Variants in LDAF1 observed in about 807,000 individuals in gnomAD.
LDAF1 encodes the protein lipid droplet assembly factor 1.
In LDAF1, 7 loss-of-function variants were observed where a neutral mutation model predicts 13.5. The observed-to-expected ratio is 0.52, with a 90% CI of 0.29 to 0.97. LDAF1 has a LOEUF of 0.97. Ranked by LOEUF, LDAF1 falls within the 50% of genes least tolerant of loss-of-function variation. The pLI is 0.07. For synonymous variants in LDAF1, 69 were observed against 77.1 expected, an observed-to-expected ratio of 0.89 and a Z score of 0.55; for missense variants, 148 against 193.2, an observed-to-expected ratio of 0.77 and a Z score of 1.39.
intron 4 of LDAF1, among the ~76,000 whole-genome samples, chr16:21,177,669 A>C: frequency 8.8e-6 from 1 of 114,174 alleles, no homozygotes; most frequent in South Asian, 3.1e-4. Flanking sequence ...CCCAGGCTGG[A>C]GTGCAGTGGC....
chr16:21,171,307 A>G (rs1157484988), intron 3 of LDAF1, among the ~76,000 whole-genome samples: 1 of 152,212 alleles, frequency 6.6e-6, no homozygotes, highest in Non-Finnish European at 1.5e-5. Flanking sequence ...GCAAGTGGCC[A>G]AAGAGATGGT....
intron 4 of LDAF1, chr16:21,178,779 C>CT (rs1409192730): frequency 6.6e-6 from 1 of 152,294 alleles, no homozygotes; most frequent in African/African-American, 2.4e-5. Context: ...CCGCTGGTTG[C>CT]TGTTCTCCTG....
intron 4 of LDAF1, among the ~76,000 whole-genome samples, chr16:21,177,506 ATT>A (rs2093149277): frequency 6.6e-6 from 1 of 151,956 alleles, no homozygotes; most frequent in Non-Finnish European, 1.5e-5. Flanking sequence ...TTCCAAATAT[ATT>A]TTGAAAAATT....
chr16:21,166,894 G>T, intron 2 of LDAF1: 1 of 1,535,662 alleles, frequency 6.5e-7, no homozygotes, highest in South Asian at 1.2e-5. Context: ...GTCCAGGCTG[G>T]GCAGTGCTGG....
Position 21,162,401 on chromosome 16 carries a change from CG to C in LDAF1, c.96+1124del, listed in dbSNP as rs765062106. ...TCAGTGGCAATGAGACTTCAGATAGCGTTATGTTTTCTTGCATATTTATCCT... is the reference window on the plus strand; with the variant it reads ...TCAGTGGCAATGAGACTTCAGATAGCTTATGTTTTCTTGCATATTTATCCT... On this transcript the variant is annotated intron_variant, in intron 2 of 4. Coordinates refer to ENST00000233047, the MANE Select transcript of LDAF1 (RefSeq NM_001301771.2). Among the ~76,000 whole-genome samples the C allele has an allele frequency of 5.5e-3, 397 of 71,690 alleles. 3 individuals carry two copies. Among genetic ancestry groups the C allele is most frequent in the Non-Finnish European group, 7.5e-3 (297 of 39,562 alleles). The allele number at this position is 71,690 out of a possible 152,430, so 47.0% of individuals were successfully genotyped here.
chr16:21,173,703 A>ACT (rs35829512), intron 3 of LDAF1, among the ~76,000 whole-genome samples: 108,347 of 150,732 alleles, frequency 0.72, 39,495 homozygotes, highest in East Asian at 1. Context: ...GCAGAGCAAG[A>ACT]CTGTCTCAAA....
intron 3 of LDAF1, 32 bp downstream of exon 3, chr16:21,170,637 A>G: frequency 6.2e-7 from 1 of 1,611,438 alleles, no homozygotes; most frequent in Non-Finnish European, 8.5e-7. Flanking sequence ...CCCTTTAGAA[A>G]ATAATTCAAT....
intron 4 of LDAF1, among the ~76,000 whole-genome samples, chr16:21,175,585 G>A (rs2093131796): frequency 2.0e-5 from 3 of 152,212 alleles, no homozygotes; most frequent in African/African-American, 7.2e-5. Flanking sequence ...TAGCATGAAG[G>A]CAGCACAGAC....
intron 4 of LDAF1, chr16:21,177,296 G>A (rs761028217): frequency 1.3e-5 from 2 of 150,366 alleles, no homozygotes; most frequent in Non-Finnish European, 2.9e-5. Flanking sequence ...TTAAACGATT[G>A]TGGATATTCT....
chr16:21,161,742 A>C (rs930511387), intron 2 of LDAF1, among the ~76,000 whole-genome samples: 5 of 152,220 alleles, frequency 3.3e-5, no homozygotes, highest in Non-Finnish European at 7.3e-5. Context: ...ACAAAAGCCT[A>C]CTTCAAGATT....
At chr16:21,177,912 C>T (rs1297037680) in intron 4 of LDAF1, among the ~76,000 whole-genome samples, 1 of 151,966 alleles carries the variant, frequency 6.6e-6, no homozygotes, top group Non-Finnish European at 1.5e-5. Flanking sequence ...GCCACTGTAC[C>T]CAGCCTGCAT....
intron 4 of LDAF1, among the ~76,000 whole-genome samples, chr16:21,175,326 A>G (rs1262892970): frequency 1.3e-5 from 2 of 152,186 alleles, no homozygotes; most frequent in Non-Finnish European, 2.9e-5. Flanking sequence ...TTATAAGGAA[A>G]ATTAAGCCAA....
chr16:21,170,661 C>T (rs1017030964), intron 3 of LDAF1, 56 bp downstream of exon 3: 20 of 1,603,094 alleles, frequency 1.2e-5, no homozygotes, highest in Middle Eastern at 1.7e-4. Context: ...GAGAAAAATA[C>T]TTTTGGGGCC....
chr16:21,159,372 A>T, intron 1 of LDAF1: 1 of 1,613,994 alleles, frequency 6.2e-7, no homozygotes, highest in Non-Finnish European at 8.5e-7. Context: ...CTGGCTTTTG[A>T]ACGCTGAAAG....
intron 2 of LDAF1, among the ~76,000 whole-genome samples, chr16:21,169,412 G>T (rs1286166659): frequency 6.6e-6 from 1 of 152,026 alleles, no homozygotes; most frequent in Non-Finnish European, 1.5e-5. Context: ...GGGCTCCAGT[G>T]ATCCTCCCAC....
intron 2 of LDAF1, chr16:21,165,632 C>G: frequency 1.0e-6 from 1 of 975,944 alleles, no homozygotes; most frequent in South Asian, 4.7e-5. Context: ...TCCTGCAAAT[C>G]TTTCTACCTG....
At chr16:21,170,725 C>CA (rs1181973222) in intron 3 of LDAF1, 120 bp downstream of exon 3, 1 of 1,212,038 alleles carries the variant, frequency 8.3e-7, no homozygotes, top group African/African-American at 1.5e-5. Context: ...AGGCTGGTCT[C>CA]AAACTCCTGG....
intron 2 of LDAF1, chr16:21,170,159 T>A: frequency 4.5e-6 from 1 of 223,318 alleles, no homozygotes; most frequent in Non-Finnish European, 7.5e-6. Flanking sequence ...CACACCACCG[T>A]GCCTGGCTAA....
At chr16:21,168,559 T>C (rs1396868437) in intron 2 of LDAF1, among the ~76,000 whole-genome samples, 1 of 144,934 alleles carries the variant, frequency 6.9e-6, no homozygotes, top group Non-Finnish European at 1.5e-5. Context: ...ATTATAATTA[T>C]ATACATATAT....
Sources: gnomAD v4.1 joint callset for allele counts (sites outside exome capture counted in the v4.1 genomes callset) on GRCh38, gnomAD v4.1.1 for gene constraint, MANE v1.5 for transcripts, NCBI Gene and HGNC (gene_info 2026-07-23, HGNC 2026-07-21) for gene names.